The following LTF variants were observed in gnomAD, a reference collection of about 807,000 sequenced individuals.
LTF encodes lactotransferrin.
Under a neutral mutation model 87.2 loss-of-function variants are expected in LTF, and 91 were observed. That is an observed-to-expected ratio of 1.04 (90% CI 0.88 to 1.24). LTF has a LOEUF of 1.24. Among genes scored for constraint, LTF ranks in the 50% most tolerant of loss-of-function variants. The pLI is 0.00. For missense variants in LTF, 901 were observed against 904.3 expected (o/e 1.00, Z 0.05); for synonymous variants, 378 against 356.1 (o/e 1.06, Z -0.69).
intron 1 of LTF, 40 bp downstream of exon 1, chr3:46,464,785 G>T (rs992065918): frequency 1.2e-6 from 2 of 1,609,616 alleles, no homozygotes; most frequent in African/African-American, 1.3e-5. Context: ...CGCAGGAGAC[G>T]CCCATCAGGC....
intron 1 of LTF, among the ~76,000 whole-genome samples, chr3:46,476,567 A>C (rs1401495615): frequency 2.0e-5 from 3 of 152,250 alleles, no homozygotes; most frequent in African/African-American, 7.2e-5. Flanking sequence ...ATACATATGC[A>C]TATATAACAG....
intron 6 of LTF, among the ~76,000 whole-genome samples, chr3:46,452,862 T>C (rs1040589985): frequency 6.6e-6 from 1 of 152,226 alleles, no homozygotes; most frequent in South Asian, 2.1e-4. Context: ...AGAGCACATA[T>C]AAATAGATGA....
intron 6 of LTF, among the ~76,000 whole-genome samples, chr3:46,451,080 CAAGGCAGGGAAT>C (rs1266019792): frequency 6.6e-6 from 1 of 152,144 alleles, no homozygotes; most frequent in Non-Finnish European, 1.5e-5. Flanking sequence ...AAAATGTTAA[CAAGGCAGGGAAT>C]AAGGCAGGAA....
At chr3:46,444,029 T>C (rs746991443) in intron 12 of LTF, among the ~76,000 whole-genome samples, 29 of 152,214 alleles carry the variant, frequency 1.9e-4, no homozygotes, top group Admixed American at 5.9e-4. Flanking sequence ...CATATGGCCA[T>C]ATGGGTAGCT....
At chr3:46,463,480 G>C (rs969608757) in intron 1 of LTF, 1 of 985,618 alleles carries the variant, frequency 1.0e-6, no homozygotes, top group African/African-American at 1.7e-5. Context: ...CGGGGAGCAG[G>C]GCAGGAATTC....
chr3:46,446,755 G>A (rs7633268), intron 10 of LTF, among the ~76,000 whole-genome samples: 9,259 of 152,216 alleles, frequency 0.061, 422 homozygotes, highest in South Asian at 0.15. Flanking sequence ...CTCACACAGC[G>A]ACGAGACTGA....
At chr3:46,460,366 G>A (rs1376180260) in intron 1 of LTF, among the ~76,000 whole-genome samples, 1 of 152,218 alleles carries the variant, frequency 6.6e-6, no homozygotes, top group Admixed American at 6.5e-5. Flanking sequence ...GTTGGTAGCT[G>A]AGGTAAATGG....
intron 5 of LTF, among the ~76,000 whole-genome samples, 189 bp downstream of exon 5, chr3:46,455,106 G>T (rs1309353193): frequency 6.6e-6 from 1 of 152,204 alleles, no homozygotes; most frequent in Non-Finnish European, 1.5e-5. Context: ...GCACAGTTGG[G>T]CCCGGAAGGC....
intron 1 of LTF, among the ~76,000 whole-genome samples, chr3:46,481,537 T>A (rs1007195135): frequency 1.3e-5 from 2 of 152,156 alleles, no homozygotes; most frequent in South Asian, 4.1e-4. Flanking sequence ...AAGACTTGGG[T>A]AATTGTGACT....
At chr3:46,452,362 G>A (rs1702823212) in intron 6 of LTF, among the ~76,000 whole-genome samples, 1 of 152,150 alleles carries the variant, frequency 6.6e-6, no homozygotes, top group South Asian at 2.1e-4. Flanking sequence ...ACTAAAAAGA[G>A]GTGTGATCAA....
intron 1 of LTF, among the ~76,000 whole-genome samples, chr3:46,473,681 G>A (rs1703321765): frequency 6.6e-6 from 1 of 152,106 alleles, no homozygotes; most frequent in Admixed American, 6.6e-5. Flanking sequence ...CACCTCTGTG[G>A]CTCTCGTTAC....
At chr3:46,456,444 A>G in intron 2 of LTF, 46 bp from the exon 3 acceptor site, 1 of 1,536,196 alleles carries the variant, frequency 6.5e-7, no homozygotes, top group African/African-American at 1.4e-5. Flanking sequence ...AACTCACCCA[A>G]ACCCAGCAAG....
In LTF at chr3:46,448,981, A is replaced by G. The variant is rs777437132; in HGVS notation, c.1094T>C (p.Val365Ala). 6.2e-7 allele frequency: 1 copy of G among 1,612,602 alleles called. No homozygotes were observed. The highest frequency in any genetic ancestry group is 8.5e-7 in the Non-Finnish European group (1 of 1,179,512). Residue 365 changes from valine to alanine, a missense_variant, in exon 9 of 17, where the codon GTG becomes GCG. Coordinates refer to ENST00000231751, the MANE Select transcript of LTF (RefSeq NM_002343.6). ...EEVAARRARV[V>A]WCAVGEQELR... is the part of the protein sequence containing the mutation. The stretch of plus-strand genomic sequence containing the variant: ...CTCCTGCTCGCCCACCGCACACCAC[A>G]CGACCCGCGCACGCCGGGCAGCCAC...
chr3:46,438,255 T>C lies in LTF; in HGVS notation c.1909-126A>G. On this transcript the variant is annotated intron_variant, in intron 15 of 16. Transcript: ENST00000231751. ...AAACCATGGGGCAGAAGGAGCTGAG[T>C]TCTGGAGTCATTCCACCTCCTTAGT... The C allele has an allele frequency of 3.8e-6, 3 of 789,030 alleles. No individual in the cohort carries two copies. In the South Asian group the frequency reaches 5.1e-5, roughly 13 times the overall value. 48.9% of individuals were successfully genotyped at this position (789,030 alleles called of 1,614,324 possible).
Position 46,449,975 on chromosome 3 carries a change from A to G in LTF, c.936T>C (p.Ser312=), listed in dbSNP as rs773505083. 51 of 1,612,588 alleles carry G rather than the reference A, an allele frequency of 3.2e-5. No homozygotes were observed. Among genetic ancestry groups the G allele is most frequent in the Non-Finnish European group, 4.2e-5 (49 of 1,179,324 alleles). Residue 312 remains serine, a synonymous_variant, in exon 8 of 17, where the codon AGT becomes AGC. Transcript: ENST00000231751. The part of the protein sequence containing the change: ...SPKFQLFGSP[S]GQKDLLFKDS... ...CCTTGAACAGCAGATCTTTCTGCCCACTAGGGGAGCCAAAGAGCTGGAATT... is the reference window on the plus strand; with the variant it reads ...CCTTGAACAGCAGATCTTTCTGCCCGCTAGGGGAGCCAAAGAGCTGGAATT...
chr3:46,467,261 C>A (rs545169828), upstream of LTF, among the ~76,000 whole-genome samples: 16 of 152,058 alleles, frequency 1.1e-4, no homozygotes, highest in South Asian at 1.7e-3. Flanking sequence ...CTGGTAGATG[C>A]CATGAGAGAC....
At chr3:46,447,646 C>T (rs1183946973) in intron 9 of LTF, among the ~76,000 whole-genome samples, 2 of 152,210 alleles carry the variant, frequency 1.3e-5, no homozygotes, top group Non-Finnish European at 2.9e-5. Flanking sequence ...ATCCTCTGTC[C>T]TCTGAGCAAA....
At chr3:46,437,650 A>G (rs1321257529) in intron 16 of LTF, among the ~76,000 whole-genome samples, 2 of 152,136 alleles carry the variant, frequency 1.3e-5, no homozygotes, top group Admixed American at 1.3e-4. Context: ...ATGCATATGT[A>G]TATATGCACC....
intron 13 of LTF, 168 bp from the exon 14 acceptor site, chr3:46,441,651 C>T: frequency 1.7e-6 from 1 of 581,510 alleles, no homozygotes; most frequent in South Asian, 2.4e-5. Flanking sequence ...CACAGGTGTA[C>T]CTGCCCTCCT....
Sources: gnomAD v4.1 joint callset for allele counts (sites outside exome capture counted in the v4.1 genomes callset) on GRCh38, gnomAD v4.1.1 for gene constraint, MANE v1.5 for transcripts, NCBI Gene and HGNC (gene_info 2026-07-23, HGNC 2026-07-21) for gene names.